ESRRG: variants seen among roughly 807,000 people sequenced by gnomAD.
ESRRG encodes estrogen-related receptor gamma.
Under a neutral mutation model 44.0 loss-of-function variants are expected in ESRRG, and 13 were observed. The ratio of observed to expected loss-of-function variants is 0.30; its 90% CI spans 0.19 to 0.47. The LOEUF is 0.47. Ranked by LOEUF, ESRRG falls within the 20% of genes least tolerant of loss-of-function variation. The pLI, the probability that ESRRG is intolerant of heterozygous loss-of-function variation, is 1.00. For missense variants in ESRRG, 395 were observed against 580.6 expected (o/e 0.68, Z 3.29); for synonymous variants, 215 against 214.6 (o/e 1.00, Z -0.02).
chr1:216,643,069 G>A (rs1252110399), intron 3 of ESRRG, among the ~76,000 whole-genome samples: 1 of 152,140 alleles, frequency 6.6e-6, no homozygotes, highest in African/African-American at 2.4e-5. Context: ...GGTAAACTCA[G>A]AAGACTCTCA....
At chr1:216,888,475 A>T (rs1330028463) in intron 2 of ESRRG, among the ~76,000 whole-genome samples, 1 of 152,200 alleles carries the variant, frequency 6.6e-6, no homozygotes, top group Non-Finnish European at 1.5e-5. Context: ...TTATAATAAC[A>T]AGCTTCAATA....
intron 1 of ESRRG, among the ~76,000 whole-genome samples, chr1:216,983,063 G>A: frequency 1.5e-5 from 2 of 136,030 alleles, no homozygotes; most frequent in South Asian, 2.3e-4. Flanking sequence ...AACTGTCTAA[G>A]CCTAAACTTT....
intron 1 of ESRRG, among the ~76,000 whole-genome samples, chr1:217,033,544 T>A (rs2082384532): frequency 6.6e-6 from 1 of 152,238 alleles, no homozygotes; most frequent in Non-Finnish European, 1.5e-5. Flanking sequence ...ATGTGAAATA[T>A]TCTAAAATCA....
At chr1:216,606,946 C>A (rs1052521560) in intron 3 of ESRRG, among the ~76,000 whole-genome samples, 1 of 152,130 alleles carries the variant, frequency 6.6e-6, no homozygotes, top group Non-Finnish European at 1.5e-5. Flanking sequence ...ATCTGGTTAA[C>A]AGAGAAAGGT....
chr1:217,093,075 T>C (rs2092372566), upstream of ESRRG, among the ~76,000 whole-genome samples: 1 of 152,134 alleles, frequency 6.6e-6, no homozygotes, highest in South Asian at 2.1e-4. Flanking sequence ...CTTATGAGTC[T>C]TTCTCTGCTA....
At chr1:216,721,977 G>T (rs985739061) in intron 1 of ESRRG, among the ~76,000 whole-genome samples, 1 of 152,068 alleles carries the variant, frequency 6.6e-6, no homozygotes, top group Non-Finnish European at 1.5e-5. Context: ...GCATGGATGT[G>T]GGTGGATGTG....
intron 1 of ESRRG, among the ~76,000 whole-genome samples, chr1:217,116,698 G>A (rs1236104035): frequency 6.6e-6 from 1 of 152,168 alleles, no homozygotes; most frequent in Non-Finnish European, 1.5e-5. Flanking sequence ...TACAAAGACA[G>A]TGTGGGCAAA....
intron 2 of ESRRG, among the ~76,000 whole-genome samples, chr1:216,820,326 A>C (rs529164068): frequency 3.3e-5 from 5 of 152,222 alleles, no homozygotes; most frequent in Non-Finnish European, 7.3e-5. Context: ...AAATAGCTTG[A>C]GAAAAAAATA....
chr1:217,031,878 C>A (rs191783468), intron 1 of ESRRG, among the ~76,000 whole-genome samples: 1 of 152,176 alleles, frequency 6.6e-6, no homozygotes, highest in Non-Finnish European at 1.5e-5. Flanking sequence ...TTTCCTGAAG[C>A]CCCCCAAGCC....
chr1:216,773,298 C>G (rs376456463), intron 2 of ESRRG, among the ~76,000 whole-genome samples: 1 of 152,094 alleles, frequency 6.6e-6, no homozygotes. Flanking sequence ...ATTTTGCACA[C>G]AGATATAGCT....
At chr1:216,851,607 A>T (rs566251950) in intron 2 of ESRRG, among the ~76,000 whole-genome samples, 1 of 152,182 alleles carries the variant, frequency 6.6e-6, no homozygotes. Flanking sequence ...CCCTCGCCAG[A>T]ACCTGATCAT....
At chr1:217,042,312 T>A (rs952608103) in intron 1 of ESRRG, among the ~76,000 whole-genome samples, 3 of 152,096 alleles carry the variant, frequency 2.0e-5, no homozygotes, top group Non-Finnish European at 4.4e-5. Flanking sequence ...GCATTTCAAA[T>A]CTAACCTTGT....
At chr1:216,630,142 G>A (rs751007275) in intron 3 of ESRRG, among the ~76,000 whole-genome samples, 9 of 152,094 alleles carry the variant, frequency 5.9e-5, no homozygotes, top group Non-Finnish European at 1.3e-4. Flanking sequence ...AGGATTAGAT[G>A]ACAAATAAAT....
intron 2 of ESRRG, among the ~76,000 whole-genome samples, chr1:216,744,980 A>G (rs554969794): frequency 1.5e-4 from 23 of 152,308 alleles, no homozygotes; most frequent in Admixed American, 1.2e-3. Context: ...TAGAAAACAG[A>G]GTCTAAAGTT....
chr1:216,923,596 G>A lies in ESRRG; in HGVS notation c.-14+15986C>T, dbSNP rs140341347. On this transcript the variant is annotated intron_variant, in intron 2 of 7. Transcript: ENST00000359162. ...AACTGGACTGTTGGTGGAGTCGGCA[G>A]ATCCGAGCAGAGGATCAAGATCTTA... 8.7e-3 allele frequency among the ~76,000 whole-genome samples: 1,312 copies of A among 151,534 alleles called. 8 individuals carry two copies. The highest frequency in any genetic ancestry group is 0.015 in the Non-Finnish European group (1,007 of 67,652).
chr1:217,033,221 C>T (rs2082331843), intron 1 of ESRRG, among the ~76,000 whole-genome samples: 1 of 152,180 alleles, frequency 6.6e-6, no homozygotes, highest in Admixed American at 6.5e-5. Context: ...CTGCTGTGTC[C>T]TAGCCCTTCT....
intron 1 of ESRRG, among the ~76,000 whole-genome samples, chr1:216,681,347 G>A (rs1257302750): frequency 6.6e-6 from 1 of 152,032 alleles, no homozygotes; most frequent in Non-Finnish European, 1.5e-5. Context: ...ACAACATGCT[G>A]GTTTGTTACA....
intron 1 of ESRRG, among the ~76,000 whole-genome samples, chr1:216,964,722 G>C (rs1206750301): frequency 6.7e-6 from 1 of 150,324 alleles, no homozygotes; most frequent in African/African-American, 2.5e-5. Context: ...ACTATTAGTA[G>C]TTCTTTATAA....
chr1:216,990,129 T>C (rs1336499707), intron 1 of ESRRG, among the ~76,000 whole-genome samples: 1 of 152,156 alleles, frequency 6.6e-6, no homozygotes, highest in African/African-American at 2.4e-5. Context: ...TCCAATATGG[T>C]TCTACTCTTG....
Sources: allele counts gnomAD v4.1 joint callset (sites outside exome capture counted in the v4.1 genomes callset), GRCh38; gene constraint gnomAD v4.1.1; transcripts MANE v1.5; gene names NCBI Gene and HGNC (gene_info 2026-07-23, HGNC 2026-07-21).